CDC25C: variants seen among roughly 807,000 people sequenced by gnomAD.
CDC25C encodes cell division cycle 25C.
A neutral mutation model predicts 52.5 loss-of-function variants in CDC25C; 48 were observed. The ratio of observed to expected loss-of-function variants is 0.91; its 90% CI spans 0.72 to 1.16. The LOEUF (loss-of-function observed/expected upper bound fraction) is 1.16, where lower values mean the gene tolerates loss of function less well. CDC25C is among the 50% of genes most tolerant of loss of function. CDC25C has a pLI of 0.00. For missense variants in CDC25C, 510 were observed against 566.1 expected (o/e 0.90, Z 1.01); for synonymous variants, 187 against 206.5 (o/e 0.91, Z 0.81).
At chr5:138,327,404 G>A (rs11567972) in intron 4 of CDC25C, among the ~76,000 whole-genome samples, 37,760 of 148,112 alleles carry the variant, frequency 0.25, 5,913 homozygotes, top group South Asian at 0.39. Context: ...GGGGTGGGGC[G>A]CTGATCACTT....
chr5:138,307,490 C>CAAAAAAAAAAAAAAAAAAAAAAAAAAAA (rs57593237), intron 7 of CDC25C, among the ~76,000 whole-genome samples: 1 of 88,248 alleles, frequency 1.1e-5, no homozygotes, highest in Non-Finnish European at 2.0e-5. Context: ...GAGACTGCCA[C>CAAAAAAAAAAAAAAAAAAAAAAAAAAAA]AAAAAAAAAA....
chr5:138,327,753 A>T (rs1760008177), intron 4 of CDC25C, among the ~76,000 whole-genome samples: 1 of 152,168 alleles, frequency 6.6e-6, no homozygotes, highest in Non-Finnish European at 1.5e-5. Flanking sequence ...CGTTACAAAT[A>T]AAAAAAATTA....
At chr5:138,302,262 G>A (rs939197149) in intron 7 of CDC25C, among the ~76,000 whole-genome samples, 2 of 151,818 alleles carry the variant, frequency 1.3e-5, no homozygotes, top group African/African-American at 4.8e-5. Flanking sequence ...CTCCCAAAGT[G>A]CTGGGATTAC....
chr5:138,326,112 T>C (rs1396268888), intron 4 of CDC25C, 58 bp from the exon 5 acceptor site: 1 of 1,568,372 alleles, frequency 6.4e-7, no homozygotes, highest in Non-Finnish European at 8.8e-7. Context: ...TGATTATTCT[T>C]CAGTGGATTG....
At chr5:138,331,459 A>C in intron 1 of CDC25C, 136 bp downstream of exon 1, 1 of 668,862 alleles carries the variant, frequency 1.5e-6, no homozygotes, top group South Asian at 2.6e-5. Context: ...ACTCCTGACT[A>C]GAAAGAACCC....
chr5:138,328,448 G>T (rs1760069962), intron 4 of CDC25C, 36 bp downstream of exon 4: 2 of 1,600,834 alleles, frequency 1.2e-6, no homozygotes, highest in Non-Finnish European at 1.7e-6. Flanking sequence ...GTGCTAAAAG[G>T]CTTTTGTGTG....
Position 138,286,516 on chromosome 5 carries a change from A to C in CDC25C, c.1141T>G (p.Ser381Ala). 1 of 1,612,702 alleles carries C rather than the reference A, an allele frequency of 6.2e-7. No homozygotes were observed. The highest frequency in any genetic ancestry group is 1.1e-5 in the South Asian group (1 of 90,794). Residue 381 changes from serine (S) to alanine (A), a missense_variant, in exon 12 of 14, where the codon TCA (serine) becomes GCA (alanine). Ser to Ala is a moderately conservative substitution (Grantham distance 99). Coordinates refer to ENST00000323760, the MANE Select transcript of CDC25C (RefSeq NM_001790.5). ...ACTCACATTCGGGGGCCCCTCTCTG[A>C]GGAGAATTCACAGTGGAACACGATG... is the stretch of plus-strand genomic sequence containing the variant. The part of the protein sequence containing the change: ...IIIVFHCEFS[S>A]ERGPRMCRCL...
chr5:138,298,687 T>C (rs1024680241), intron 7 of CDC25C, among the ~76,000 whole-genome samples: 18 of 151,452 alleles, frequency 1.2e-4, no homozygotes, highest in Non-Finnish European at 8.8e-5. Context: ...GAGGCGGAAG[T>C]TGCAGTGAGC....
intron 7 of CDC25C, among the ~76,000 whole-genome samples, chr5:138,305,827 G>C (rs1757964184): frequency 6.6e-6 from 1 of 152,216 alleles, no homozygotes; most frequent in Non-Finnish European, 1.5e-5. Context: ...ATGGGAGACA[G>C]ATATTCCCTT....
chr5:138,338,298 A>T (rs373425900), exon 1 of CDC25C: 5 of 658,628 alleles, frequency 7.6e-6, no homozygotes, highest in Non-Finnish European at 9.6e-6. Flanking sequence ...TGGGAGCTGG[A>T]GGAACCGCGG....
At chr5:138,319,996 A>G (rs902835024) in intron 6 of CDC25C, among the ~76,000 whole-genome samples, 5 of 152,302 alleles carry the variant, frequency 3.3e-5, no homozygotes, top group African/African-American at 1.2e-4. Context: ...TCTACTTCTG[A>G]ATATATACCC....
At chr5:138,338,195 C>T (rs1344482264) in exon 1 of CDC25C, 4 of 1,284,766 alleles carry the variant, frequency 3.1e-6, no homozygotes, top group Non-Finnish European at 4.1e-6. Flanking sequence ...AGCTGTCCCC[C>T]TACTCTCCTC....
chr5:138,336,156 A>T (rs1760690723), upstream of CDC25C, among the ~76,000 whole-genome samples: 2 of 147,316 alleles, frequency 1.4e-5, no homozygotes, highest in Admixed American at 6.8e-5. Flanking sequence ...TTTTTGAGAC[A>T]GAGTCTCATT....
rs1196065566 is a variant in CDC25C, at chr5:138,319,351, A to C, written c.483T>G (p.Ser161Arg). 3.1e-6 allele frequency: 5 copies of C among 1,613,062 alleles called. No homozygotes were observed. The highest frequency in any genetic ancestry group is 1.3e-5 in the African/African-American group (1 of 74,918). Residue 161 changes from serine (S) to arginine (R), a missense_variant, in exon 7 of 14, where the codon AGT (serine) becomes AGG (arginine). Coordinates refer to ENST00000323760, the MANE Select transcript of CDC25C (RefSeq NM_001790.5). ...TGGGACTGCCCAAATATTTCATTTC[A>C]CTGTCCACCAAGTTTCCATTGTCCT... ...KENDNGNLVD[S>R]EMKYLGSPIT...
At chr5:138,301,663 A>G (rs970314454) in intron 7 of CDC25C, among the ~76,000 whole-genome samples, 1 of 151,480 alleles carries the variant, frequency 6.6e-6, no homozygotes, top group Non-Finnish European at 1.5e-5. Context: ...ACTGAAGATC[A>G]ATATCTCTCA....
upstream of CDC25C, among the ~76,000 whole-genome samples, chr5:138,335,708 T>C (rs1760650630): frequency 6.6e-6 from 1 of 151,896 alleles, no homozygotes; most frequent in Admixed American, 6.5e-5. Context: ...GGCCATTTTA[T>C]AGATGACGAA....
chr5:138,307,504 A>AAG (rs1292448898), intron 7 of CDC25C, among the ~76,000 whole-genome samples: 2 of 151,564 alleles, frequency 1.3e-5, no homozygotes, highest in Non-Finnish European at 1.5e-5. Flanking sequence ...AAAAAAAAAA[A>AAG]AAAAAAAGAA....
At chr5:138,316,454 A>G (rs2126779942) in intron 7 of CDC25C, among the ~76,000 whole-genome samples, 1 of 152,238 alleles carries the variant, frequency 6.6e-6, no homozygotes, top group Admixed American at 6.5e-5. Flanking sequence ...GCCTGGTGCC[A>G]TGGACTGCTG....
intron 10 of CDC25C, 106 bp from the exon 11 acceptor site, chr5:138,287,373 G>A: frequency 1.4e-6 from 1 of 693,206 alleles, no homozygotes; most frequent in Non-Finnish European, 2.5e-6. Context: ...TCCACTGTAT[G>A]TCCAGCCTCC....
Sources: gnomAD v4.1 joint callset for allele counts (sites outside exome capture counted in the v4.1 genomes callset) on GRCh38, gnomAD v4.1.1 for gene constraint, MANE v1.5 for transcripts, NCBI Gene and HGNC (gene_info 2026-07-23, HGNC 2026-07-21) for gene names.